LRRC3C: variants seen among roughly 807,000 people sequenced by gnomAD.
LRRC3C encodes the protein leucine-rich repeat-containing protein 3C.
A neutral mutation model predicts 14.8 loss-of-function variants in LRRC3C; 11 were observed. That is an observed-to-expected ratio of 0.74 (90% confidence interval 0.47 to 1.23). LRRC3C has a LOEUF of 1.23. Ranked by LOEUF, LRRC3C falls within the 50% of genes most tolerant of loss-of-function variation. The pLI is 0.00. For missense variants in LRRC3C, 354 were observed against 361.8 expected, an observed-to-expected ratio of 0.98 and a Z score of 0.18; for synonymous variants, 149 against 161.5, an observed-to-expected ratio of 0.92 and a Z score of 0.59.
At chr17:39,941,406 C>T (rs1405559106) in intron 2 of LRRC3C, 37 bp from the exon 3 acceptor site, 5 of 588,936 alleles carry the variant, frequency 8.5e-6, no homozygotes, top group Non-Finnish European at 1.4e-5. Context: ...AAACAAGGGA[C>T]CCCCCCACAC....
intron 1 of LRRC3C, among the ~76,000 whole-genome samples, chr17:39,934,127 G>A (rs888056045): frequency 1.3e-4 from 20 of 152,224 alleles, no homozygotes; most frequent in African/African-American, 4.6e-4. Flanking sequence ...ATTTTGGGCT[G>A]TGGAGAGAAA....
Position 39,944,836 on chromosome 17 carries a change from C to A in LRRC3C, c.*102C>A. On this transcript the variant is annotated 3_prime_UTR_variant, in exon 4 of 4. Coordinates refer to ENST00000377924, the MANE Select transcript of LRRC3C (RefSeq NM_001195545.2). The stretch of plus-strand genomic sequence containing the variant: ...TCCTGTGCAGCTTCACCCCTGCCCC[C>A]AAGCCCATCCCACCCCTCCCTCCTT... 9.9e-7 allele frequency: 1 copy of A among 1,006,866 alleles called. No individual in the cohort carries two copies. Among genetic ancestry groups the A allele is most frequent in the Non-Finnish European group, 1.4e-6 (1 of 691,726 alleles). The allele number at this position is 1,006,866 out of a possible 1,614,324, so 62.4% of individuals were successfully genotyped here.
intron 1 of LRRC3C, chr17:39,934,551 AC>A (rs1978744822): frequency 6.6e-6 from 1 of 152,208 alleles, no homozygotes; most frequent in African/African-American, 2.4e-5. Context: ...CTGTTACAGA[AC>A]CACCTCCCCC....
chr17:39,941,275 T>A (rs915639504), intron 2 of LRRC3C, among the ~76,000 whole-genome samples, 168 bp from the exon 3 acceptor site: 5 of 145,990 alleles, frequency 3.4e-5, no homozygotes, highest in Non-Finnish European at 4.5e-5. Flanking sequence ...CGTTTTAACC[T>A]GGGAGGCAGA....
intron 3 of LRRC3C, among the ~76,000 whole-genome samples, chr17:39,941,849 T>G (rs1978950193): frequency 1.3e-5 from 2 of 152,198 alleles, no homozygotes; most frequent in African/African-American, 4.8e-5. Flanking sequence ...GTCTGCAAAC[T>G]AAGGAGGGAT....
Position 39,943,989 on chromosome 17 carries a change from A to ACCT in LRRC3C, c.87_89dup (p.Leu30dup), listed in dbSNP as rs1282244406. Reference sequence around the variant, plus strand: ...ATGGCCATGCTCCCAACAGCAGGTCACCTCCTGCCCCTCCTGCTGGTGATA... The same window carrying ACCT: ...ATGGCCATGCTCCCAACAGCAGGTCACCTCCTCCTGCCCCTCCTGCTGGTGATA... On this transcript the variant is annotated inframe_insertion, in exon 4 of 4. Transcript: ENST00000377924. The ACCT allele has an allele frequency of 6.5e-7, 1 of 1,536,016 alleles. No homozygotes were observed. The highest frequency in any genetic ancestry group is 8.7e-7 in the Non-Finnish European group (1 of 1,146,866).
chr17:39,944,708 T>C lies in LRRC3C; in HGVS notation c.802T>C (p.Ser268Pro). ...AGTGCTGCCCGTGCGTTCCGAGGAC[T>C]CCTCCATCCTCAGCACAGTGGTCTG... Reference protein sequence around the residue: ...APVLPVRSEDSSILSTVV With the variant: ...APVLPVRSEDPSILSTVV The change falls in exon 4 of 4, where the codon TCC becomes CCC. Residue 268 changes from serine to proline, a missense_variant. By Grantham distance (74) the Ser-to-Pro change is moderately conservative. Transcript: ENST00000377924. The C allele has an allele frequency of 6.5e-7, 1 of 1,535,762 alleles. No homozygotes were observed. The highest frequency in any genetic ancestry group is 8.7e-7 in the Non-Finnish European group (1 of 1,146,806).
At chr17:39,930,161 C>G (rs1978605296) in intron 1 of LRRC3C, among the ~76,000 whole-genome samples, 1 of 150,358 alleles carries the variant, frequency 6.7e-6, no homozygotes, top group African/African-American at 2.5e-5. Context: ...GTCTATAGTC[C>G]CAGCTACTCA....
At chr17:39,930,660 A>G (rs1410015618) in intron 1 of LRRC3C, among the ~76,000 whole-genome samples, 1 of 124,420 alleles carries the variant, frequency 8.0e-6, no homozygotes, top group Non-Finnish European at 1.6e-5. Flanking sequence ...GTGAGCCAAG[A>G]TTGCACCATT....
intron 1 of LRRC3C, among the ~76,000 whole-genome samples, chr17:39,932,527 A>ACCCCCCCCCCCCCCCCCC (rs147624649): frequency 1.4e-5 from 1 of 71,310 alleles, no homozygotes; most frequent in Non-Finnish European, 2.8e-5. Context: ...ACGTAATGAG[A>ACCCCCCCCCCCCCCCCCC]CCCCCCCCCC....
intron 3 of LRRC3C, among the ~76,000 whole-genome samples, chr17:39,941,775 G>A (rs1978947759): frequency 6.6e-6 from 1 of 152,192 alleles, no homozygotes; most frequent in African/African-American, 2.4e-5. Flanking sequence ...AGAAAACTGG[G>A]CTCTGGTCTT....
rs1221910049 is a variant in LRRC3C, at chr17:39,944,104, C to T, written c.198C>T (p.Ser66=). Residue 66 remains serine, a synonymous_variant, in exon 4 of 4, where the codon AGC becomes AGT. Coordinates refer to ENST00000377924, the MANE Select transcript of LRRC3C (RefSeq NM_001195545.2). The part of the protein sequence containing the change: ...KEAGERTFRC[S]QAGLSAVPSG... ...CAGGTGAACGGACGTTCCGCTGCAGCCAGGCAGGCCTCAGTGCTGTGCCCT... is the reference window on the plus strand; with the variant it reads ...CAGGTGAACGGACGTTCCGCTGCAGTCAGGCAGGCCTCAGTGCTGTGCCCT... 2.0e-6 allele frequency: 3 copies of T among 1,536,130 alleles called. No individual in the cohort carries two copies. Among genetic ancestry groups the T allele is most frequent in the Non-Finnish European group, 2.6e-6 (3 of 1,146,906 alleles).
chr17:39,937,591 T>G (rs2144763334), intron 2 of LRRC3C, among the ~76,000 whole-genome samples: 1 of 152,332 alleles, frequency 6.6e-6, no homozygotes. Flanking sequence ...ACCCCCTCCA[T>G]CCACGCAGTG....
At chr17:39,943,593 C>T (rs1412525212) in intron 3 of LRRC3C, among the ~76,000 whole-genome samples, 1 of 152,082 alleles carries the variant, frequency 6.6e-6, no homozygotes, top group Non-Finnish European at 1.5e-5. Context: ...GACTTTATTC[C>T]AATGAGAGAA....
intron 2 of LRRC3C, among the ~76,000 whole-genome samples, chr17:39,940,626 T>A (rs919183585): frequency 6.8e-6 from 1 of 147,966 alleles, no homozygotes; most frequent in South Asian, 2.1e-4. Flanking sequence ...TTTTTTTTTT[T>A]TTCTGGAGAG....
chr17:39,935,241 G>A (rs998496986), intron 1 of LRRC3C, among the ~76,000 whole-genome samples: 13 of 151,564 alleles, frequency 8.6e-5, no homozygotes, highest in Admixed American at 1.3e-4. Flanking sequence ...CCTCAGCCTC[G>A]TACCCTTTTC....
chr17:39,931,109 T>C (rs916337542), intron 1 of LRRC3C, among the ~76,000 whole-genome samples: 1 of 150,302 alleles, frequency 6.7e-6, no homozygotes, highest in Non-Finnish European at 1.5e-5. Context: ...GCCATTGCAC[T>C]CCAGCCTGGG....
chr17:39,933,954 A>G (rs981187543), intron 1 of LRRC3C, among the ~76,000 whole-genome samples: 1 of 152,206 alleles, frequency 6.6e-6, no homozygotes, highest in Admixed American at 6.5e-5. Context: ...TGTGGTGGGA[A>G]GAAGGAGGGG....
intron 1 of LRRC3C, among the ~76,000 whole-genome samples, chr17:39,935,391 C>T (rs1407705010): frequency 6.6e-6 from 1 of 152,144 alleles, no homozygotes. Context: ...CAACCCAAGC[C>T]TTCCCTTAGG....
Sources: allele counts gnomAD v4.1 joint callset (sites outside exome capture counted in the v4.1 genomes callset), GRCh38; gene constraint gnomAD v4.1.1; transcripts MANE v1.5; gene names NCBI Gene and HGNC (gene_info 2026-07-23, HGNC 2026-07-21).